Variants in MED12L observed in about 807,000 individuals in gnomAD.
MED12L encodes the protein mediator complex subunit 12L.
A neutral mutation model predicts 281.3 loss-of-function variants in MED12L; 60 were observed. That is an observed-to-expected ratio of 0.21 (90% CI 0.17 to 0.26). The LOEUF is 0.26. MED12L is among the 10% of genes least tolerant of loss of function. The pLI is 1.00. For missense variants in MED12L, 2,146 were observed against 2,680.9 expected (o/e 0.80, Z 4.41); for synonymous variants, 974 against 987.2 (o/e 0.99, Z 0.25).
At chr3:151,338,794 T>G (rs1316277822) in intron 16 of MED12L, 1 of 1,613,914 alleles carries the variant, frequency 6.2e-7, no homozygotes, top group Admixed American at 1.7e-5. Flanking sequence ...TAGTCTCTGG[T>G]GCACAGACTG....
intron 43 of MED12L, among the ~76,000 whole-genome samples, chr3:151,420,429 C>T (rs1016537400): frequency 1.3e-5 from 2 of 152,114 alleles, no homozygotes; most frequent in Non-Finnish European, 2.9e-5. Flanking sequence ...GCCAGCAGAA[C>T]GTAATGTTGT....
At chr3:151,195,246 G>C (rs1008689110) in intron 16 of MED12L, among the ~76,000 whole-genome samples, 3 of 152,098 alleles carry the variant, frequency 2.0e-5, no homozygotes, top group African/African-American at 7.2e-5. Flanking sequence ...AAAGTATTCT[G>C]TTAAGTTATT....
intron 16 of MED12L, among the ~76,000 whole-genome samples, chr3:151,265,800 TA>T (rs1372024929): frequency 1.3e-5 from 2 of 152,156 alleles, no homozygotes; most frequent in East Asian, 1.9e-4. Flanking sequence ...TGTGTTTGTA[TA>T]AAAAAATTTC....
At chr3:151,188,308 G>T in intron 12 of MED12L, 46 bp from the exon 13 acceptor site, 1 of 1,490,052 alleles carries the variant, frequency 6.7e-7, no homozygotes, top group South Asian at 1.2e-5. Context: ...GATCTGTTAT[G>T]ACTATACTTC....
At chr3:151,374,456 G>A (rs1756578131) in intron 27 of MED12L, among the ~76,000 whole-genome samples, 1 of 152,192 alleles carries the variant, frequency 6.6e-6, no homozygotes, top group South Asian at 2.1e-4. Flanking sequence ...GCTGAGGCAT[G>A]AGAATCGCTT....
intron 11 of MED12L, among the ~76,000 whole-genome samples, chr3:151,181,096 T>A (rs1049294887): frequency 2.0e-4 from 30 of 152,148 alleles, no homozygotes; most frequent in African/African-American, 6.8e-4. Context: ...AATCTTTTTT[T>A]AAAGCCATTT....
intron 5 of MED12L, among the ~76,000 whole-genome samples, chr3:151,153,795 C>T (rs1269483197): frequency 6.6e-6 from 1 of 152,040 alleles, no homozygotes; most frequent in Non-Finnish European, 1.5e-5. Context: ...TCTTGAACTC[C>T]TGACCTCAGG....
intron 16 of MED12L, among the ~76,000 whole-genome samples, chr3:151,233,966 A>G (rs1206929606): frequency 6.6e-6 from 1 of 152,246 alleles, no homozygotes; most frequent in Non-Finnish European, 1.5e-5. Context: ...AGGACTTTAA[A>G]ACATAATGCT....
At chr3:151,206,841 T>A (rs1042505801) in intron 16 of MED12L, among the ~76,000 whole-genome samples, 2 of 151,774 alleles carry the variant, frequency 1.3e-5, no homozygotes, top group African/African-American at 4.8e-5. Context: ...AGATGGGGTT[T>A]CACCGTGTTA....
At chr3:151,149,008 A>G (rs965699383) in intron 5 of MED12L, among the ~76,000 whole-genome samples, 10 of 152,192 alleles carry the variant, frequency 6.6e-5, no homozygotes, top group Non-Finnish European at 1.3e-4. Context: ...TTAGGTGTGC[A>G]GTGGTGAGTT....
At chr3:151,249,460 G>A (rs1281949797) in intron 16 of MED12L, among the ~76,000 whole-genome samples, 3 of 152,186 alleles carry the variant, frequency 2.0e-5, no homozygotes, top group South Asian at 2.1e-4. Flanking sequence ...GTTTAAGTAG[G>A]TGTTAACTTG....
intron 5 of MED12L, among the ~76,000 whole-genome samples, chr3:151,143,113 G>A (rs1008238264): frequency 2.6e-5 from 4 of 152,306 alleles, no homozygotes; most frequent in East Asian, 3.9e-4. Flanking sequence ...AGTGAGTTCC[G>A]GAGCAGGGAA....
chr3:151,196,650 G>T (rs984706777), intron 16 of MED12L, among the ~76,000 whole-genome samples: 1 of 152,210 alleles, frequency 6.6e-6, no homozygotes, highest in Non-Finnish European at 1.5e-5. Flanking sequence ...TCTACAGCCT[G>T]CAACTGAGGT....
At chr3:151,380,604 A>G (rs200829535) in intron 32 of MED12L, among the ~76,000 whole-genome samples, 9,070 of 151,776 alleles carry the variant, frequency 0.06, 419 homozygotes, top group Middle Eastern at 0.17. Flanking sequence ...TCTCAAAAAA[A>G]AAAAAAAAAA....
intron 16 of MED12L, among the ~76,000 whole-genome samples, chr3:151,238,929 A>AT (rs915963235): frequency 2.6e-5 from 4 of 152,202 alleles, no homozygotes; most frequent in African/African-American, 9.7e-5. Context: ...TGACAAACTA[A>AT]TAATTGTACT....
intron 16 of MED12L, among the ~76,000 whole-genome samples, chr3:151,200,755 C>G (rs1725436657): frequency 6.6e-6 from 1 of 152,230 alleles, no homozygotes; most frequent in Non-Finnish European, 1.5e-5. Context: ...CTTTACCAAA[C>G]TCGATGAAAA....
At chr3:151,231,513 C>G (rs1347972622) in intron 16 of MED12L, among the ~76,000 whole-genome samples, 4 of 152,042 alleles carry the variant, frequency 2.6e-5, no homozygotes, top group Admixed American at 1.3e-4. Flanking sequence ...TAAACTGTAT[C>G]AAAAATCTTC....
chr3:151,398,653 G>A (rs1296373848), intron 39 of MED12L, among the ~76,000 whole-genome samples: 1 of 152,180 alleles, frequency 6.6e-6, no homozygotes, highest in Non-Finnish European at 1.5e-5. Flanking sequence ...TGGACATGCA[G>A]AAAGATGTTT....
At chr3:151,185,191 G>C (rs1425666955) in intron 11 of MED12L, 139 bp from the exon 12 acceptor site, 1 of 703,590 alleles carries the variant, frequency 1.4e-6, no homozygotes, top group Non-Finnish European at 2.2e-6. Flanking sequence ...AAAATGTTTT[G>C]GAAGCGCTTT....
Sources: gnomAD v4.1 joint callset for allele counts (sites outside exome capture counted in the v4.1 genomes callset) on GRCh38, gnomAD v4.1.1 for gene constraint, MANE v1.5 for transcripts, NCBI Gene and HGNC (gene_info 2026-07-23, HGNC 2026-07-21) for gene names.